SV2C: variants seen among roughly 807,000 people sequenced by gnomAD.
SV2C encodes solute carrier family 22 member B3.
A neutral mutation model predicts 79.7 loss-of-function variants in SV2C; 49 were observed. The observed-to-expected ratio is 0.61, with a 90% CI of 0.49 to 0.78. The LOEUF (loss-of-function observed/expected upper bound fraction) is 0.78, where lower values mean the gene tolerates loss of function less well. Among genes scored for constraint, SV2C ranks in the 30% least tolerant of loss-of-function variants. The pLI is 0.00. For synonymous variants in SV2C, 334 were observed against 333.2 expected (o/e 1.00, Z -0.03); for missense variants, 833 against 912.9 (o/e 0.91, Z 1.13).
At chr5:76,278,059 A>T (rs960600778) in intron 4 of SV2C, among the ~76,000 whole-genome samples, 2 of 152,244 alleles carry the variant, frequency 1.3e-5, no homozygotes, top group Non-Finnish European at 2.9e-5. Flanking sequence ...TGAAAAAGTG[A>T]ATCAAGGTTA....
chr5:76,061,766 G>A, the SV2C span, among the ~76,000 whole-genome samples: 9 of 152,068 alleles, frequency 5.9e-5, no homozygotes, highest in Admixed American at 1.3e-4. Context: ...AGAGGTATAG[G>A]AACGTGCCCC....
intron 4 of SV2C, among the ~76,000 whole-genome samples, chr5:76,212,449 T>TTCTC (rs959709096): frequency 6.6e-6 from 1 of 151,714 alleles, no homozygotes; most frequent in East Asian, 1.9e-4. Context: ...GTGCTTTTTT[T>TTCTC]TCTCTCTCTC....
At chr5:76,287,590 C>G (rs1747396468) in intron 6 of SV2C, among the ~76,000 whole-genome samples, 1 of 152,138 alleles carries the variant, frequency 6.6e-6, no homozygotes, top group Admixed American at 6.5e-5. Flanking sequence ...ATTCATCCCT[C>G]AGCTCCTCAC....
chr5:76,066,860 G>A, the SV2C span, among the ~76,000 whole-genome samples: 1 of 150,412 alleles, frequency 6.6e-6, no homozygotes, highest in Non-Finnish European at 1.5e-5. Context: ...CCAAGGAAAA[G>A]TGAACAACTG....
At chr5:76,306,943 T>C (rs1256539991) in intron 12 of SV2C, among the ~76,000 whole-genome samples, 1 of 152,226 alleles carries the variant, frequency 6.6e-6, no homozygotes, top group East Asian at 1.9e-4. Flanking sequence ...CTGCTGAGTC[T>C]GTTGTGGGAA....
chr5:76,099,694 C>A (rs1329897837), intron 1 of SV2C, among the ~76,000 whole-genome samples: 1 of 152,142 alleles, frequency 6.6e-6, no homozygotes, highest in African/African-American at 2.4e-5. Flanking sequence ...TCATTCTTAG[C>A]CTGTAGGACA....
chr5:76,082,274 C>G (rs1747013204), upstream of SV2C: 1 of 152,260 alleles, frequency 6.6e-6, no homozygotes, highest in South Asian at 2.1e-4. Flanking sequence ...CCCGGGAGGG[C>G]GACGCCCTCC....
chr5:76,230,779 ACT>A (rs1745390851), intron 4 of SV2C, among the ~76,000 whole-genome samples: 1 of 150,004 alleles, frequency 6.7e-6, no homozygotes, highest in Admixed American at 6.6e-5. Context: ...ACAGAGCAAG[ACT>A]CTGTCTCAGA....
At chr5:75,886,870 G>T in the SV2C span, among the ~76,000 whole-genome samples, 3 of 152,056 alleles carry the variant, frequency 2.0e-5, no homozygotes, top group Admixed American at 6.6e-5. Context: ...CTTCTAGGAT[G>T]ACTAACCAGG....
chr5:76,272,877 C>T (rs927047072), intron 4 of SV2C, among the ~76,000 whole-genome samples: 3 of 152,026 alleles, frequency 2.0e-5, no homozygotes, highest in African/African-American at 4.8e-5. Context: ...CATCCACAGA[C>T]ATCAGCTAAT....
chr5:76,301,908 C>CAA (rs11436839), intron 12 of SV2C, among the ~76,000 whole-genome samples: 779 of 40,248 alleles, frequency 0.019, 19 homozygotes, highest in African/African-American at 0.031. Flanking sequence ...GACACCATCT[C>CAA]AAAAAAAAAA....
Position 76,083,696 on chromosome 5 carries a change from T to A in SV2C, c.-102+184T>A, listed in dbSNP as rs148659573. Among the ~76,000 whole-genome samples the A allele has an allele frequency of 1.5e-3, 236 of 152,308 alleles. 3 individuals carry two copies. The South Asian group carries it at 0.026, about 17-fold the overall frequency. On this transcript the variant is annotated intron_variant, in intron 1 of 12. Transcript: ENST00000502798. Reference sequence around the variant, plus strand: ...GTGCCCGCTGCTTTGTAGGCGCCTTTGTTGGAGAGGGACCAGGAAAGTAGG... The same window carrying A: ...GTGCCCGCTGCTTTGTAGGCGCCTTAGTTGGAGAGGGACCAGGAAAGTAGG...
At chr5:76,138,581 A>AT (rs1180686129) in intron 2 of SV2C, among the ~76,000 whole-genome samples, 2 of 152,224 alleles carry the variant, frequency 1.3e-5, no homozygotes, top group African/African-American at 2.4e-5. Flanking sequence ...AACCTATCAA[A>AT]TTAGCCCATA....
intron 2 of SV2C, among the ~76,000 whole-genome samples, chr5:76,181,026 C>T (rs1743703821): frequency 6.6e-6 from 1 of 152,144 alleles, no homozygotes; most frequent in Non-Finnish European, 1.5e-5. Flanking sequence ...TGCTATGCTG[C>T]CACCTCCCAA....
intron 1 of SV2C, among the ~76,000 whole-genome samples, chr5:76,098,351 A>G (rs1303372446): frequency 6.6e-6 from 1 of 152,198 alleles, no homozygotes; most frequent in African/African-American, 2.4e-5. Flanking sequence ...ATATTTTCCT[A>G]TTAAATGAAA....
chr5:76,158,913 T>C (rs1292766431), intron 2 of SV2C, among the ~76,000 whole-genome samples: 2 of 151,996 alleles, frequency 1.3e-5, no homozygotes, highest in East Asian at 1.9e-4. Flanking sequence ...ACTAGCAAGC[T>C]GAATCCAGAA....
At chr5:76,050,663 C>G in the SV2C span, among the ~76,000 whole-genome samples, 1 of 152,154 alleles carries the variant, frequency 6.6e-6, no homozygotes, top group Non-Finnish European at 1.5e-5. Flanking sequence ...CGTCAAAACC[C>G]TCCGGAGCAC....
At chr5:76,082,938 A>C (rs1323981327), upstream of SV2C, among the ~76,000 whole-genome samples, 1 of 152,192 alleles carries the variant, frequency 6.6e-6, no homozygotes, top group Non-Finnish European at 1.5e-5. Flanking sequence ...GTCCGGTGCT[A>C]ACAGAGTCCA....
chr5:75,939,317 TG>T, the SV2C span, among the ~76,000 whole-genome samples: 1 of 152,090 alleles, frequency 6.6e-6, no homozygotes, highest in African/African-American at 2.4e-5. Context: ...GTCGGCTTCC[TG>T]GAGTGTAGAG....
Sources: allele counts gnomAD v4.1 joint callset (sites outside exome capture counted in the v4.1 genomes callset), GRCh38; gene constraint gnomAD v4.1.1; transcripts MANE v1.5; gene names NCBI Gene and HGNC (gene_info 2026-07-23, HGNC 2026-07-21).